Variants in TMEM163 observed in about 807,000 individuals in gnomAD.
The protein encoded by TMEM163 is transmembrane protein 163.
Under a neutral mutation model 29.3 loss-of-function variants are expected in TMEM163, and 17 were observed. The ratio of observed to expected loss-of-function variants is 0.58; its 90% CI spans 0.40 to 0.87. The LOEUF is 0.87. TMEM163 is among the 40% of genes least tolerant of loss of function. The pLI, the probability that TMEM163 is intolerant of heterozygous loss-of-function variation, is 0.00. For synonymous variants in TMEM163, 157 were observed against 160.6 expected, an observed-to-expected ratio of 0.98 and a Z score of 0.17; for missense variants, 303 against 381.5, an observed-to-expected ratio of 0.79 and a Z score of 1.71.
chr2:134,562,035 C>T (rs908324627), intron 2 of TMEM163, among the ~76,000 whole-genome samples: 7 of 152,166 alleles, frequency 4.6e-5, no homozygotes, highest in African/African-American at 1.7e-4. Flanking sequence ...ATTTATAGAA[C>T]AGAACTTTCG....
chr2:134,698,076 T>C (rs1266807566), intron 2 of TMEM163, among the ~76,000 whole-genome samples: 1 of 152,180 alleles, frequency 6.6e-6, no homozygotes, highest in Non-Finnish European at 1.5e-5. Context: ...CACTGACATT[T>C]TGAGCCAGAT....
chr2:134,500,413 G>A lies in TMEM163; in HGVS notation c.555+2488C>T, dbSNP rs538911310. On this transcript the variant is annotated intron_variant, in intron 5 of 7. Transcript: ENST00000281924. ...CCCGTGGGCCACTCAGCCCTCAGCC[G>A]AGGAGGAGGCCTTCCCCTCTGGAGA... 7.9e-5 allele frequency among the ~76,000 whole-genome samples: 12 copies of A among 152,328 alleles called. No homozygotes were observed. The East Asian group carries it at 9.7e-4, about 12-fold the overall frequency.
chr2:134,678,648 T>C (rs1230317396), intron 2 of TMEM163, among the ~76,000 whole-genome samples: 2 of 152,204 alleles, frequency 1.3e-5, no homozygotes, highest in African/African-American at 4.8e-5. Context: ...CTGCTACTCA[T>C]AAGCTGTGTC....
chr2:134,585,492 C>T (rs1407178442), intron 2 of TMEM163, among the ~76,000 whole-genome samples: 3 of 152,130 alleles, frequency 2.0e-5, no homozygotes, highest in Non-Finnish European at 4.4e-5. Flanking sequence ...GCCTGTAATC[C>T]AGCACTTTGG....
At chr2:134,463,340 C>A (rs1359563790) in intron 6 of TMEM163, among the ~76,000 whole-genome samples, 3 of 152,202 alleles carry the variant, frequency 2.0e-5, no homozygotes, top group Non-Finnish European at 4.4e-5. Context: ...CTACACTCAT[C>A]CCTAAGGAAA....
chr2:134,538,841 G>A (rs1680598655), intron 4 of TMEM163, among the ~76,000 whole-genome samples: 1 of 152,188 alleles, frequency 6.6e-6, no homozygotes, highest in Non-Finnish European at 1.5e-5. Flanking sequence ...GGAGACCTGG[G>A]AGGGGCTGGG....
At chr2:134,658,192 T>C (rs1683664845) in intron 2 of TMEM163, among the ~76,000 whole-genome samples, 1 of 152,124 alleles carries the variant, frequency 6.6e-6, no homozygotes, top group Admixed American at 6.5e-5. Context: ...TATGAGAACA[T>C]GAAGCAACAT....
intron 2 of TMEM163, among the ~76,000 whole-genome samples, chr2:134,573,473 A>G (rs999799749): frequency 3.9e-5 from 6 of 152,212 alleles, no homozygotes; most frequent in Non-Finnish European, 8.8e-5. Flanking sequence ...GGTCATCACC[A>G]CTGGCTTCTA....
intron 2 of TMEM163, among the ~76,000 whole-genome samples, chr2:134,558,003 G>A (rs1019100454): frequency 2.0e-5 from 3 of 151,922 alleles, no homozygotes; most frequent in Admixed American, 6.6e-5. Flanking sequence ...AAATCTATGT[G>A]GGGAAAAAGA....
chr2:134,681,790 C>T (rs1684254753), intron 2 of TMEM163, among the ~76,000 whole-genome samples: 1 of 152,156 alleles, frequency 6.6e-6, no homozygotes, highest in South Asian at 2.1e-4. Flanking sequence ...CAACAAGCAC[C>T]TTCTTCAAGA....
Position 134,647,646 on chromosome 2 carries a change from C to T in TMEM163, c.322+65554G>A, listed in dbSNP as rs1683362870. ...CAGCTGACAGATCAAAACCACATCA[C>T]CCACCACCAGTTTTGAGCATTTGGA... On this transcript the variant is annotated intron_variant, in intron 2 of 7. Coordinates refer to ENST00000281924, the MANE Select transcript of TMEM163 (RefSeq NM_030923.5). Among the ~76,000 whole-genome samples the T allele has an allele frequency of 3.3e-5, 5 of 152,348 alleles. No homozygotes were observed. In the South Asian group the frequency reaches 1.0e-3, roughly 32 times the overall value.
chr2:134,673,301 C>T (rs72972220), intron 2 of TMEM163, among the ~76,000 whole-genome samples: 6,666 of 152,188 alleles, frequency 0.044, 497 homozygotes, highest in African/African-American at 0.15. Context: ...TTGGCTGCCT[C>T]CCACCTTATA....
intron 2 of TMEM163, among the ~76,000 whole-genome samples, chr2:134,558,967 A>G (rs1681108522): frequency 6.6e-6 from 1 of 152,230 alleles, no homozygotes; most frequent in Non-Finnish European, 1.5e-5. Context: ...ACTCAAATGG[A>G]GAACCATCTT....
At chr2:134,562,844 A>G (rs1012297152) in intron 2 of TMEM163, among the ~76,000 whole-genome samples, 13 of 152,240 alleles carry the variant, frequency 8.5e-5, no homozygotes, top group African/African-American at 3.1e-4. Context: ...TAAAATGATC[A>G]AAGATCCAGA....
At chr2:134,457,059 G>T (rs915343200) in intron 7 of TMEM163, among the ~76,000 whole-genome samples, 1 of 152,038 alleles carries the variant, frequency 6.6e-6, no homozygotes, top group Admixed American at 6.6e-5. Flanking sequence ...ATCACATAAC[G>T]TGGCCTTTTG....
chr2:134,578,098 A>G (rs1238882151), intron 2 of TMEM163, among the ~76,000 whole-genome samples: 1 of 152,146 alleles, frequency 6.6e-6, no homozygotes, highest in Non-Finnish European at 1.5e-5. Context: ...TTAACCCTCC[A>G]ATTTTCCTAT....
chr2:134,513,014 A>G (rs957558781), intron 4 of TMEM163, among the ~76,000 whole-genome samples: 28 of 152,314 alleles, frequency 1.8e-4, no homozygotes, highest in Non-Finnish European at 1.9e-4. Flanking sequence ...GCAAATGATG[A>G]TATGGATCAG....
Position 134,582,232 on chromosome 2 carries a change from A to C in TMEM163, c.323-30141T>G, listed in dbSNP as rs182854113. The stretch of plus-strand genomic sequence containing the variant: ...GTTTTGCAAAATTGTTTTCTCATCA[A>C]CTTCAAAAAAGGCAACCCAAATCCC... On this transcript the variant is annotated intron_variant, in intron 2 of 7. Transcript: ENST00000281924. Among the ~76,000 whole-genome samples, 860 of 152,300 alleles carry C rather than the reference A, an allele frequency of 5.6e-3. 10 individuals are homozygous for C. The highest frequency in any genetic ancestry group is 0.019 in the African/African-American group (808 of 41,568).
intron 5 of TMEM163, among the ~76,000 whole-genome samples, chr2:134,483,920 GAT>G (rs1238250487): frequency 2.6e-5 from 4 of 152,166 alleles, no homozygotes; most frequent in Admixed American, 1.3e-4. Context: ...AAGGTGGGTG[GAT>G]CACCTGAGGT....
Sources: allele counts gnomAD v4.1 joint callset (sites outside exome capture counted in the v4.1 genomes callset), GRCh38; gene constraint gnomAD v4.1.1; transcripts MANE v1.5; gene names NCBI Gene and HGNC (gene_info 2026-07-23, HGNC 2026-07-21).